Variants in UNC45A observed in about 807,000 individuals in gnomAD.
UNC45A encodes protein unc-45 homolog A.
A neutral mutation model predicts 103.2 loss-of-function variants in UNC45A; 78 were observed. The observed-to-expected ratio is 0.76, with a 90% CI of 0.63 to 0.91. UNC45A has a LOEUF of 0.91. UNC45A is among the 40% of genes least tolerant of loss of function. UNC45A has a pLI of 0.00. For synonymous variants in UNC45A, 495 were observed against 504.6 expected (o/e 0.98, Z 0.25); for missense variants, 1,193 against 1,224.8 (o/e 0.97, Z 0.39).
chr15:90,949,801 T>A (rs2036790905), intron 15 of UNC45A, 81 bp downstream of exon 15: 1 of 1,413,392 alleles, frequency 7.1e-7, no homozygotes, highest in African/African-American at 1.4e-5. Context: ...ACGCCAGAGC[T>A]GGGTGTTAGA....
Position 90,953,951 on chromosome 15 carries a change from G to C in UNC45A, c.*235G>C. 1.7e-6 allele frequency: 1 copy of C among 585,712 alleles called. No homozygotes were observed. The highest frequency in any genetic ancestry group is 3.0e-6 in the Non-Finnish European group (1 of 334,378). The allele number at this position is 585,712 out of a possible 1,614,324, so 36.3% of individuals were successfully genotyped here. ...AGAGGGGCCCTTTTTCTGTACTACT[G>C]TAGTCAGCTGGGAATGGGGAAGGTG... is the stretch of plus-strand genomic sequence containing the variant. On this transcript the variant is annotated 3_prime_UTR_variant, in exon 20 of 20. Coordinates refer to ENST00000418476, the MANE Select transcript of UNC45A (RefSeq NM_018671.5).
intron 12 of UNC45A, 90 bp from the exon 13 acceptor site, chr15:90,948,564 G>C: frequency 6.4e-7 from 1 of 1,550,782 alleles, no homozygotes; most frequent in Admixed American, 1.8e-5. Context: ...CCCAGCTGAG[G>C]GTGGAATTGG....
At chr15:90,936,029 TG>T (rs768040264) in intron 3 of UNC45A, 47 bp downstream of exon 3, 287 of 1,611,768 alleles carry the variant, frequency 1.8e-4, no homozygotes, top group Admixed American at 2.7e-4. Context: ...GCTTCTGTGG[TG>T]GGCAAGGACT....
chr15:90,948,864 GAAC>G, intron 13 of UNC45A, 70 bp downstream of exon 13: 1 of 995,142 alleles, frequency 1.0e-6, no homozygotes, highest in Admixed American at 3.0e-5. Context: ...ATCCACAGCA[GAAC>G]AACCTCCCTT....
upstream of UNC45A, chr15:90,935,096 T>G: frequency 1.7e-6 from 1 of 589,938 alleles, no homozygotes; most frequent in African/African-American, 1.9e-5. Flanking sequence ...GCGAGCTCCC[T>G]GCAGGTCTCT....
At chr15:90,943,199 A>AG in intron 8 of UNC45A, 117 bp downstream of exon 8, 1 of 1,278,918 alleles carries the variant, frequency 7.8e-7, no homozygotes, top group Non-Finnish European at 1.1e-6. Context: ...TTTGAGAGGC[A>AG]GGGGGTCACT....
upstream of UNC45A, chr15:90,931,462 T>C (rs1221695405): frequency 8.1e-6 from 13 of 1,613,888 alleles, no homozygotes; most frequent in Middle Eastern, 3.3e-4. Flanking sequence ...CACTGCCTTT[T>C]CCCCACTTCC....
chr15:90,948,880 T>TC, intron 13 of UNC45A, 86 bp downstream of exon 13: 1 of 1,255,862 alleles, frequency 8.0e-7, no homozygotes. Flanking sequence ...CCTCCCTTTT[T>TC]TTTTTTTTTT....
rs755770230 is a variant in UNC45A, at chr15:90,935,360, G to T, written c.36G>T (p.Arg12=). Residue 12 remains arginine, a synonymous_variant, in exon 1 of 20, where the codon CGG becomes CGT. Coordinates refer to ENST00000418476, the MANE Select transcript of UNC45A (RefSeq NM_018671.5). ...GTGGTCCAGGGACCCCCGAGCCCCGGCCGGCCACCCCCGGGGTGCGTACCC... is the reference window on the plus strand; with the variant it reads ...GTGGTCCAGGGACCCCCGAGCCCCGTCCGGCCACCCCCGGGGTGCGTACCC... ...TVSGPGTPEP[R]PATPGASSVE... The T allele has an allele frequency of 2.5e-6, 4 of 1,602,722 alleles. No individual in the cohort carries two copies. In the African/African-American group the frequency reaches 5.4e-5, roughly 21 times the overall value.
Position 90,942,535 on chromosome 15 carries a change from G to A in UNC45A, c.786G>A (p.Gln262=). ...CCCTGGCTGCCTGCCACCTGCTGCA[G>A]GTTATGTTTGATGCCCTCAAGGAAG... ...AVSLAACHLL[Q]VMFDALKEGV... Residue 262 remains glutamine, a synonymous_variant, in exon 7 of 20, where the codon CAG becomes CAA. Transcript: ENST00000418476. 1 of 1,614,200 alleles carries A rather than the reference G, an allele frequency of 6.2e-7. No homozygotes were observed.
upstream of UNC45A, chr15:90,935,143 ACCTGCGAT>A: frequency 3.2e-6 from 2 of 631,600 alleles, no homozygotes; most frequent in South Asian, 3.7e-5. Context: ...GCTTGCCTGC[ACCTGCGAT>A]CCAGAGCCAA....
intron 4 of UNC45A, among the ~76,000 whole-genome samples, chr15:90,936,983 T>C (rs570125362): frequency 5.3e-4 from 81 of 152,316 alleles, no homozygotes; most frequent in African/African-American, 1.9e-3. Context: ...CAGACTCTTA[T>C]ATAGTTACTG....
intron 17 of UNC45A, 93 bp from the exon 18 acceptor site, chr15:90,952,836 T>C: frequency 9.9e-6 from 12 of 1,216,782 alleles, no homozygotes; most frequent in Middle Eastern, 2.4e-4. Context: ...CACCAGGCCC[T>C]ACCTCCAACA....
intron 14 of UNC45A, 52 bp downstream of exon 14, chr15:90,949,495 C>T: frequency 6.2e-7 from 1 of 1,607,440 alleles, no homozygotes; most frequent in Non-Finnish European, 8.5e-7. Context: ...AGCCTCAGGG[C>T]TGCAGATGTG....
intron 1 of UNC45A, 78 bp downstream of exon 1, chr15:90,935,453 G>A: frequency 6.3e-7 from 1 of 1,576,532 alleles, no homozygotes; most frequent in Non-Finnish European, 8.6e-7. Flanking sequence ...CCATCCATGA[G>A]GCTCGCCCCG....
At chr15:90,941,708 C>T (rs2036295574) in intron 6 of UNC45A, among the ~76,000 whole-genome samples, 1 of 151,932 alleles carries the variant, frequency 6.6e-6, no homozygotes, top group Non-Finnish European at 1.5e-5. Flanking sequence ...GCCTGTAATC[C>T]CAGCACTTTG....
At chr15:90,945,362 CTT>C (rs201389026) in intron 9 of UNC45A, among the ~76,000 whole-genome samples, 3 of 146,436 alleles carry the variant, frequency 2.0e-5, no homozygotes, top group South Asian at 2.2e-4. Flanking sequence ...CATGACAGTC[CTT>C]TTTTTTTTTT....
intron 6 of UNC45A, among the ~76,000 whole-genome samples, chr15:90,942,057 G>C (rs1187808520): frequency 1.3e-5 from 2 of 152,056 alleles, no homozygotes; most frequent in African/African-American, 4.8e-5. Context: ...GGTGTGGAAA[G>C]AACCTCAGGG....
In UNC45A at chr15:90,953,764, G is replaced by C; in HGVS notation, c.*48G>C. ...GCTCATGCACACGCTACCTATTGTG[G>C]CACGGAGAGTAAGGACGGAAGCAGC... On this transcript the variant is annotated 3_prime_UTR_variant, in exon 20 of 20. Coordinates refer to ENST00000418476, the MANE Select transcript of UNC45A (RefSeq NM_018671.5). 6.3e-7 allele frequency: 1 copy of C among 1,589,890 alleles called. No individual in the cohort carries two copies. The highest frequency in any genetic ancestry group is 8.6e-7 in the Non-Finnish European group (1 of 1,165,762).
Sources: gnomAD v4.1 joint callset for allele counts (sites outside exome capture counted in the v4.1 genomes callset) on GRCh38, gnomAD v4.1.1 for gene constraint, MANE v1.5 for transcripts, NCBI Gene and HGNC (gene_info 2026-07-23, HGNC 2026-07-21) for gene names.